The following ATF7IP2 variants were observed in gnomAD, a reference collection of about 807,000 sequenced individuals.
The protein encoded by ATF7IP2 is activating transcription factor 7-interacting protein 2.
A neutral mutation model predicts 64.2 loss-of-function variants in ATF7IP2; 42 were observed. The ratio of observed to expected loss-of-function variants is 0.65; its 90% CI spans 0.51 to 0.85. The LOEUF is 0.85. Ranked by LOEUF, ATF7IP2 falls within the 40% of genes least tolerant of loss-of-function variation. ATF7IP2 has a pLI of 0.00. For missense variants in ATF7IP2, 933 were observed against 784.2 expected (o/e 1.19, Z -2.27); for synonymous variants, 308 against 272.8 (o/e 1.13, Z -1.27).
intron 3 of ATF7IP2, among the ~76,000 whole-genome samples, chr16:10,425,156 T>G (rs1361926035): frequency 2.0e-5 from 3 of 151,280 alleles, no homozygotes; most frequent in Non-Finnish European, 4.4e-5. Context: ...CCTCCCGGGT[T>G]CAAGCGATTA....
chr16:10,396,169 T>C (rs895085492), intron 1 of ATF7IP2, among the ~76,000 whole-genome samples: 1 of 152,110 alleles, frequency 6.6e-6, no homozygotes, highest in African/African-American at 2.4e-5. Context: ...CATCAAAAAG[T>C]AGTACAAAAC....
At chr16:10,435,326 G>GT (rs1396717575) in intron 6 of ATF7IP2, among the ~76,000 whole-genome samples, 3 of 152,162 alleles carry the variant, frequency 2.0e-5, no homozygotes, top group East Asian at 1.9e-4. Context: ...AAGAGGAAGG[G>GT]TTTTTCCTTT....
At chr16:10,449,848 A>G (rs909953179) in intron 8 of ATF7IP2, 1 of 151,568 alleles carries the variant, frequency 6.6e-6, no homozygotes, top group African/African-American at 2.4e-5. Context: ...TCTTAGAGTT[A>G]TTTCTTGTCT....
intron 9 of ATF7IP2, among the ~76,000 whole-genome samples, chr16:10,459,812 A>G (rs1204853693): frequency 3.9e-5 from 6 of 152,144 alleles, no homozygotes; most frequent in Non-Finnish European, 1.5e-5. Flanking sequence ...AAAATTATCT[A>G]CAGAATCCCT....
chr16:10,394,499 C>T (rs562626895), intron 1 of ATF7IP2, among the ~76,000 whole-genome samples: 10 of 152,172 alleles, frequency 6.6e-5, no homozygotes, highest in Non-Finnish European at 1.3e-4. Flanking sequence ...AGACAAGAGA[C>T]GACTTGAGCA....
chr16:10,434,199 T>C (rs1008246462), intron 6 of ATF7IP2, among the ~76,000 whole-genome samples: 2 of 152,264 alleles, frequency 1.3e-5, no homozygotes, highest in Non-Finnish European at 2.9e-5. Flanking sequence ...CTTGCTTTCA[T>C]TGTGGCCTCA....
At chr16:10,457,742 T>C (rs2049230473) in intron 9 of ATF7IP2, 1 of 366,092 alleles carries the variant, frequency 2.7e-6, no homozygotes, top group African/African-American at 2.1e-5. Flanking sequence ...GGTCTCACTT[T>C]GTTGTCCAGG....
intron 8 of ATF7IP2, chr16:10,447,709 C>T (rs1362209799): frequency 1.3e-5 from 2 of 152,030 alleles, no homozygotes; most frequent in African/African-American, 4.8e-5. Context: ...GGACAAAGAA[C>T]CAGGAAGTTT....
intron 1 of ATF7IP2, among the ~76,000 whole-genome samples, chr16:10,390,150 A>C (rs1284910827): frequency 6.6e-6 from 1 of 152,136 alleles, no homozygotes; most frequent in African/African-American, 2.4e-5. Flanking sequence ...ATTATGTATT[A>C]AGATACTACC....
chr16:10,411,149 A>G (rs1474349558), intron 1 of ATF7IP2, among the ~76,000 whole-genome samples: 1 of 152,128 alleles, frequency 6.6e-6, no homozygotes, highest in Admixed American at 6.6e-5. Flanking sequence ...ATCTAAGTTC[A>G]TCAGGGATGT....
intron 8 of ATF7IP2, chr16:10,446,857 A>G (rs2048823075): frequency 6.6e-6 from 1 of 151,926 alleles, no homozygotes; most frequent in Admixed American, 6.6e-5. Flanking sequence ...CTTCCCAACT[A>G]TTGGAAGTTT....
At chr16:10,410,383 T>C (rs1347344587) in intron 1 of ATF7IP2, among the ~76,000 whole-genome samples, 6 of 151,950 alleles carry the variant, frequency 3.9e-5, no homozygotes, top group Non-Finnish European at 2.9e-5. Context: ...TGTTTTGTTT[T>C]CCCCCAGCTA....
intron 2 of ATF7IP2, among the ~76,000 whole-genome samples, chr16:10,416,224 A>T (rs1352472114): frequency 6.6e-6 from 1 of 152,254 alleles, no homozygotes; most frequent in Non-Finnish European, 1.5e-5. Context: ...AGATAAATGG[A>T]TAAAGAAAAT....
At chr16:10,397,836 G>A (rs1378639514) in intron 1 of ATF7IP2, among the ~76,000 whole-genome samples, 1 of 144,570 alleles carries the variant, frequency 6.9e-6, no homozygotes, top group African/African-American at 2.6e-5. Context: ...CAACCTGGGT[G>A]ACAAGAGTGA....
At chr16:10,406,453 C>T (rs1414611179) in intron 1 of ATF7IP2, among the ~76,000 whole-genome samples, 2 of 151,780 alleles carry the variant, frequency 1.3e-5, no homozygotes, top group African/African-American at 2.4e-5. Context: ...ACTAGAAAAG[C>T]AAGAGCAAAG....
intron 2 of ATF7IP2, 89 bp from the exon 3 acceptor site, chr16:10,419,492 G>C (rs532176323): frequency 6.5e-6 from 1 of 153,346 alleles, no homozygotes; most frequent in African/African-American, 2.4e-5. Context: ...GTCAGCCCTT[G>C]CTAAAGGAAT....
chr16:10,432,553 A>G (rs1357887967), intron 5 of ATF7IP2, among the ~76,000 whole-genome samples: 1 of 152,098 alleles, frequency 6.6e-6, no homozygotes, highest in Non-Finnish European at 1.5e-5. Context: ...TGGGCAACAG[A>G]TCCAAGACCC....
At chr16:10,474,807 C>G (rs1156954972) in intron 12 of ATF7IP2, among the ~76,000 whole-genome samples, 3 of 152,184 alleles carry the variant, frequency 2.0e-5, no homozygotes, top group Non-Finnish European at 4.4e-5. Context: ...ACAAAGAATT[C>G]ACAGGTTTCT....
At chr16:10,402,167 C>A (rs2047547872) in intron 1 of ATF7IP2, among the ~76,000 whole-genome samples, 2 of 152,062 alleles carry the variant, frequency 1.3e-5, no homozygotes, top group Non-Finnish European at 2.9e-5. Context: ...TCTTGAGGTA[C>A]AATGTAAGAT....
Sources: allele counts gnomAD v4.1 joint callset (sites outside exome capture counted in the v4.1 genomes callset), GRCh38; gene constraint gnomAD v4.1.1; transcripts MANE v1.5; gene names NCBI Gene and HGNC (gene_info 2026-07-23, HGNC 2026-07-21).